COL26A1: variants seen among roughly 807,000 people sequenced by gnomAD.
COL26A1 encodes collagen alpha-1(XXVI) chain.
Under a neutral mutation model 59.3 loss-of-function variants are expected in COL26A1, and 41 were observed. The observed-to-expected ratio is 0.69, with a 90% confidence interval of 0.54 to 0.90. The LOEUF (loss-of-function observed/expected upper bound fraction) is 0.90. Ranked by LOEUF, COL26A1 falls within the 40% of genes least tolerant of loss-of-function variation. COL26A1 has a pLI of 0.00. For synonymous variants in COL26A1, 266 were observed against 256.0 expected (o/e 1.04, Z -0.37); for missense variants, 612 against 602.3 (o/e 1.02, Z -0.17).
At chr7:101,525,744 C>T (rs1795233731) in intron 3 of COL26A1, among the ~76,000 whole-genome samples, 2 of 152,138 alleles carry the variant, frequency 1.3e-5, no homozygotes, top group Admixed American at 6.6e-5. Flanking sequence ...GATCCGCCCA[C>T]CTTGGCCTCC....
chr7:101,487,473 AC>A (rs1794293278), intron 3 of COL26A1, among the ~76,000 whole-genome samples: 1 of 146,156 alleles, frequency 6.8e-6, no homozygotes, highest in South Asian at 2.2e-4. Flanking sequence ...GGTTCTTTCA[AC>A]CCCCTCTCTC....
chr7:101,499,404 C>T lies in COL26A1; in HGVS notation c.386-33678C>T, dbSNP rs548207300. On this transcript the variant is annotated intron_variant, in intron 3 of 12. Coordinates refer to ENST00000313669, the MANE Select transcript of COL26A1 (RefSeq NM_001278563.3). ...AAAATATATAAAAATTAGCCATGGCCGGGTGCGGTGGCTCACACCTGTAAT... is the reference window on the plus strand; with the variant it reads ...AAAATATATAAAAATTAGCCATGGCTGGGTGCGGTGGCTCACACCTGTAAT... 1.8e-3 allele frequency among the ~76,000 whole-genome samples: 281 copies of T among 151,906 alleles called. 1 individual carries two copies. The Middle Eastern group carries it at 0.02, about 11-fold the overall frequency.
chr7:101,364,334 A>T lies in COL26A1; in HGVS notation c.158+1144A>T, dbSNP rs991284578. Among the ~76,000 whole-genome samples the T allele has an allele frequency of 5.9e-5, 6 of 101,446 alleles. No homozygotes were observed. In the South Asian group the frequency reaches 1.7e-3, roughly 28 times the overall value. 66.6% of individuals were successfully genotyped at this position (101,446 alleles called of 152,430 possible). A position where few individuals can be genotyped will look rare whatever the true frequency, so the allele number is the denominator to read the frequency against. The stretch of plus-strand genomic sequence containing the variant: ...TGTCTGTTCCCTCCGTCTCTTTTTT[A>T]TATTTTAATTTTTTTTTTTTGCAGA... On this transcript the variant is annotated intron_variant, in intron 1 of 12. Transcript: ENST00000313669.
chr7:101,419,944 G>T, intron 1 of COL26A1, 33 bp from the exon 2 acceptor site: 1 of 1,608,956 alleles, frequency 6.2e-7, no homozygotes. Flanking sequence ...CTGGGAACAG[G>T]CAGGGCTCAT....
chr7:101,452,242 A>G (rs1436988883), intron 3 of COL26A1, among the ~76,000 whole-genome samples: 1 of 152,178 alleles, frequency 6.6e-6, no homozygotes, highest in Non-Finnish European at 1.5e-5. Flanking sequence ...GATGAAACAC[A>G]GTAGCCCATG....
intron 3 of COL26A1, among the ~76,000 whole-genome samples, chr7:101,513,363 C>T (rs73411661): frequency 0.042 from 6,379 of 151,422 alleles, 461 homozygotes; most frequent in African/African-American, 0.15. Flanking sequence ...GAGACAGAGT[C>T]GCCCACGCCA....
At chr7:101,555,937 C>G in intron 12 of COL26A1, 66 bp downstream of exon 12, 1 of 1,338,188 alleles carries the variant, frequency 7.5e-7, no homozygotes, top group Non-Finnish European at 1.0e-6. Context: ...CAATGCTGCC[C>G]TCATGGCTGC....
intron 3 of COL26A1, among the ~76,000 whole-genome samples, chr7:101,487,980 A>C (rs2130511570): frequency 6.6e-6 from 1 of 152,188 alleles, no homozygotes; most frequent in East Asian, 1.9e-4. Context: ...GCTTTAAAAA[A>C]ATTGTGATTA....
chr7:101,531,263 A>G lies in COL26A1; in HGVS notation c.386-1819A>G, dbSNP rs554843423. Among the ~76,000 whole-genome samples the G allele has an allele frequency of 2.0e-3, 305 of 152,056 alleles. 4 individuals carry two copies. The highest frequency in any genetic ancestry group is 6.4e-3 in the Admixed American group (98 of 15,272). The stretch of plus-strand genomic sequence containing the variant: ...TGGGATTATAGGCGTGAGCCACCAC[A>G]CCCGGCCTACCTTTTTATTTCTTTA... On this transcript the variant is annotated intron_variant, in intron 3 of 12. Transcript: ENST00000313669.
At chr7:101,374,521 A>C (rs752112931) in intron 1 of COL26A1, among the ~76,000 whole-genome samples, 4 of 152,200 alleles carry the variant, frequency 2.6e-5, no homozygotes, top group Non-Finnish European at 2.9e-5. Context: ...GCCTCCTGTC[A>C]GACCAGCAGC....
chr7:101,538,984 G>T (rs560754771), intron 4 of COL26A1, among the ~76,000 whole-genome samples: 1 of 152,114 alleles, frequency 6.6e-6, no homozygotes, highest in Middle Eastern at 3.2e-3. Flanking sequence ...GGCACACAGC[G>T]CCCCCTGCTG....
At chr7:101,495,821 C>T (rs1344298267) in intron 3 of COL26A1, among the ~76,000 whole-genome samples, 1 of 151,378 alleles carries the variant, frequency 6.6e-6, no homozygotes, top group Non-Finnish European at 1.5e-5. Context: ...AGGCCGGGCG[C>T]AGTGGCTCAC....
intron 10 of COL26A1, among the ~76,000 whole-genome samples, chr7:101,552,969 T>G (rs1171946541): frequency 3.3e-5 from 5 of 152,166 alleles, no homozygotes; most frequent in African/African-American, 1.2e-4. Flanking sequence ...TTACTGGCCT[T>G]GTGTTGGAGA....
intron 3 of COL26A1, among the ~76,000 whole-genome samples, chr7:101,504,027 C>A (rs1180674699): frequency 2.0e-5 from 3 of 152,336 alleles, no homozygotes; most frequent in East Asian, 3.9e-4. Context: ...CTGAGCCCAG[C>A]AGGGCCCTCC....
intron 2 of COL26A1, among the ~76,000 whole-genome samples, chr7:101,442,585 A>G (rs1361568086): frequency 1.3e-5 from 2 of 152,158 alleles, no homozygotes; most frequent in Non-Finnish European, 2.9e-5. Flanking sequence ...TATAGGGTTA[A>G]AATAGAACCT....
intron 3 of COL26A1, among the ~76,000 whole-genome samples, chr7:101,451,967 A>T (rs1793351708): frequency 6.6e-6 from 1 of 152,158 alleles, no homozygotes; most frequent in Non-Finnish European, 1.5e-5. Flanking sequence ...TCGGCGTCCC[A>T]AAGTGCTGGA....
intron 5 of COL26A1, among the ~76,000 whole-genome samples, chr7:101,541,232 C>G (rs1207238316): frequency 6.6e-6 from 1 of 152,236 alleles, no homozygotes; most frequent in African/African-American, 2.4e-5. Context: ...GGCCAGGGAG[C>G]AGGAACTTAC....
intron 1 of COL26A1, among the ~76,000 whole-genome samples, chr7:101,373,380 G>A (rs544887524): frequency 2.0e-5 from 3 of 152,338 alleles, no homozygotes; most frequent in South Asian, 4.1e-4. Flanking sequence ...GTTTGCAATG[G>A]CAGCAAAGCA....
chr7:101,395,056 A>G (rs973456836), intron 1 of COL26A1, among the ~76,000 whole-genome samples: 5 of 151,210 alleles, frequency 3.3e-5, no homozygotes, highest in African/African-American at 1.2e-4. Flanking sequence ...TATTTTTAGT[A>G]GAGACGGGGT....
Sources: gnomAD v4.1 joint callset for allele counts (sites outside exome capture counted in the v4.1 genomes callset) on GRCh38, gnomAD v4.1.1 for gene constraint, MANE v1.5 for transcripts, NCBI Gene and HGNC (gene_info 2026-07-23, HGNC 2026-07-21) for gene names.